The following CDV3 variants were observed in gnomAD, a reference collection of about 807,000 sequenced individuals.
CDV3 encodes the protein protein CDV3 homolog.
A neutral mutation model predicts 24.5 loss-of-function variants in CDV3; 14 were observed. That is an observed-to-expected ratio of 0.57 (90% confidence interval 0.38 to 0.89). The LOEUF (loss-of-function observed/expected upper bound fraction) is 0.89, where lower values mean the gene tolerates loss of function less well. CDV3 is among the 40% of genes least tolerant of loss of function. The probability of loss-of-function intolerance (pLI) is 0.00; values close to 1 mark genes in which losing one functional copy is unlikely to be tolerated. For synonymous variants in CDV3, 114 were observed against 114.1 expected (o/e 1.00, Z 0.00); for missense variants, 304 against 310.2 (o/e 0.98, Z 0.15).
Position 133,573,997 on chromosome 3 carries a change from CCGCGCCCGCCG to C in CDV3, c.-46_-36del. The C allele has an allele frequency of 3.9e-6, 4 of 1,021,464 alleles. No homozygotes were observed. The highest frequency in any genetic ancestry group is 3.5e-6 in the Non-Finnish European group (3 of 853,120). The allele number at this position is 1,021,464 out of a possible 1,614,324, so 63.3% of individuals were successfully genotyped here. A position where few individuals can be genotyped will look rare whatever the true frequency, so the allele number is the denominator to read the frequency against. On this transcript the variant is annotated 5_prime_UTR_variant, in exon 1 of 5. Coordinates refer to ENST00000264993, the MANE Select transcript of CDV3 (RefSeq NM_017548.5). ...GACCCCGAGCTCGGAGCCCCGCGGG[CCGCGCCCGCCG>C]CCGGCCCCACCCATCCGGGTCGAGG...
At position 133,589,159 on chromosome 3, in the gene CDV3, CAT is replaced by C. The variant is rs751262995; in HGVS notation, c.*1114_*1115del. Reference sequence around the variant, plus strand: ...ATCTGTCCTTAGAAATTCAGAGTAACATGAGCAAAACCTCAGCTAAAACCCAT... The same window carrying C: ...ATCTGTCCTTAGAAATTCAGAGTAACGAGCAAAACCTCAGCTAAAACCCAT... On this transcript the variant is annotated 3_prime_UTR_variant, in exon 5 of 5. Transcript: ENST00000264993. The C allele has an allele frequency of 1.3e-5, 2 of 152,642 alleles. No individual in the cohort carries two copies. The highest frequency in any genetic ancestry group is 2.4e-5 in the African/African-American group (1 of 41,444). The allele number at this position is 152,642 out of a possible 1,614,324, so 9.5% of individuals were successfully genotyped here. A position where few individuals can be genotyped will look rare whatever the true frequency, so the allele number is the denominator to read the frequency against.
At chr3:133,583,116 C>G (rs1933215572) in intron 2 of CDV3, among the ~76,000 whole-genome samples, 1 of 152,170 alleles carries the variant, frequency 6.6e-6, no homozygotes, top group Admixed American at 6.5e-5. Context: ...CTGAGGGTAT[C>G]TTTTCCATTT....
chr3:133,574,379 C>T (rs575995429), intron 1 of CDV3, 95 bp downstream of exon 1: 3 of 933,410 alleles, frequency 3.2e-6, no homozygotes, highest in Non-Finnish European at 2.6e-6. Context: ...CGGGAGGGGC[C>T]GCGGAGGCCG....
intron 3 of CDV3, among the ~76,000 whole-genome samples, chr3:133,585,071 T>C (rs572836236): frequency 5.4e-4 from 83 of 152,324 alleles, no homozygotes; most frequent in Non-Finnish European, 1.1e-3. Flanking sequence ...TTTTATATTT[T>C]TTAGAGACAG....
At chr3:133,583,728 C>T (rs760694572) in intron 2 of CDV3, among the ~76,000 whole-genome samples, 3 of 151,996 alleles carry the variant, frequency 2.0e-5, no homozygotes, top group Non-Finnish European at 2.9e-5. Context: ...ATGCCTGGCT[C>T]ATTTTTGTAT....
In CDV3 at chr3:133,584,083, T is replaced by G. The variant is rs773492515; in HGVS notation, c.399T>G (p.Gly133=). 1.2e-6 allele frequency: 2 copies of G among 1,611,282 alleles called. No homozygotes were observed. The highest frequency in any genetic ancestry group is 2.2e-5 in the South Asian group (2 of 91,020). ...AAGAAGGTGGAGGTGGTGGTGGAGG[T>G]ATGGAAAAATCTTCAGGTCCCTGGA... ...NWEEGGGGGG[G]MEKSSGPWNK... is the part of the protein sequence containing the mutation. Residue 133 remains glycine, a synonymous_variant, in exon 3 of 5, where the codon GGT becomes GGG. Coordinates refer to ENST00000264993, the MANE Select transcript of CDV3 (RefSeq NM_017548.5).
Position 133,588,135 on chromosome 3 carries a change from A to G in CDV3, c.*89A>G, listed in dbSNP as rs1439202776. 17 of 1,568,464 alleles carry G rather than the reference A, an allele frequency of 1.1e-5. No homozygotes were observed. The Admixed American group carries it at 2.4e-4, about 22-fold the overall frequency. On this transcript the variant is annotated 3_prime_UTR_variant, in exon 5 of 5. Coordinates refer to ENST00000264993, the MANE Select transcript of CDV3 (RefSeq NM_017548.5). ...TCATCATCTGATCTCTGCTGGATCT[A>G]CAGACACCGATGCAGACCACTCGAT...
chr3:133,587,138 A>G (rs1206089671), intron 4 of CDV3: 1 of 1,209,530 alleles, frequency 8.3e-7, no homozygotes, highest in Non-Finnish European at 1.1e-6. Flanking sequence ...TAAATCTAAT[A>G]TTAAAATAAT....
intron 4 of CDV3, 51 bp from the exon 5 acceptor site, chr3:133,587,845 A>G: frequency 2.0e-6 from 3 of 1,534,062 alleles, no homozygotes; most frequent in East Asian, 2.3e-5. Context: ...AATATTTTCA[A>G]AAACCCTAGT....
chr3:133,587,270 A>G, intron 4 of CDV3: 1 of 1,280,748 alleles, frequency 7.8e-7, no homozygotes, highest in Non-Finnish European at 1.0e-6. Context: ...AGAAATGTAA[A>G]TGACATCAGA....
At chr3:133,585,410 A>C (rs1411822510) in intron 3 of CDV3, among the ~76,000 whole-genome samples, 14 of 151,854 alleles carry the variant, frequency 9.2e-5, no homozygotes, top group Admixed American at 6.6e-5. Flanking sequence ...CTGGCTCCTG[A>C]CTTCAAGTGA....
rs1693876783 is a variant in CDV3 at position 133,589,825 on chromosome 3, T to G, written c.*1779T>G. ...CTTCTAATATATTTGGGTGAGTAAC[T>G]GAGCCAGCCAAGGGAAGGTTGAATG... On this transcript the variant is annotated 3_prime_UTR_variant, in exon 5 of 5. Coordinates refer to ENST00000264993, the MANE Select transcript of CDV3 (RefSeq NM_017548.5). 1 of 152,218 alleles carries G rather than the reference T, an allele frequency of 6.6e-6. No individual in the cohort carries two copies. The highest frequency in any genetic ancestry group is 1.9e-4 in the East Asian group (1 of 5,192). The allele number at this position is 152,218 out of a possible 1,614,324, so 9.4% of individuals were successfully genotyped here.
At chr3:133,574,373 A>C (rs2074719324) in intron 1 of CDV3, 89 bp downstream of exon 1, 1 of 924,466 alleles carries the variant, frequency 1.1e-6, no homozygotes, top group Non-Finnish European at 1.3e-6. Flanking sequence ...AGCGTCCGGG[A>C]GGGGCCGCGG....
chr3:133,582,394 G>A (rs9847114), intron 2 of CDV3, among the ~76,000 whole-genome samples: 125,277 of 152,248 alleles, frequency 0.82, 51,702 homozygotes, highest in East Asian at 0.95. Flanking sequence ...TCAGGTCATC[G>A]GCCTGCCTCA....
At position 133,588,184 on chromosome 3, in the gene CDV3, A is replaced by AT; in HGVS notation, c.*139dup. The AT allele has an allele frequency of 6.5e-7, 1 of 1,535,354 alleles. No homozygotes were observed. Among genetic ancestry groups the AT allele is most frequent in the South Asian group, 1.3e-5 (1 of 78,340 alleles). The stretch of plus-strand genomic sequence containing the variant: ...ATTTCATGACCGGCCCTATTGCACT[A>AT]TGGAAGTTAAAGTGTCACGACTGCT... On this transcript the variant is annotated 3_prime_UTR_variant, in exon 5 of 5. Coordinates refer to ENST00000264993, the MANE Select transcript of CDV3 (RefSeq NM_017548.5).
intron 4 of CDV3, 111 bp from the exon 5 acceptor site, chr3:133,587,785 C>G: frequency 6.8e-7 from 1 of 1,478,810 alleles, no homozygotes. Context: ...CCACTCCTAC[C>G]CCTCCCCAGG....
chr3:133,575,170 A>T (rs2074757516), intron 2 of CDV3, 55 bp downstream of exon 2: 1 of 965,238 alleles, frequency 1.0e-6, no homozygotes, highest in African/African-American at 1.6e-5. Context: ...TATTGGATAC[A>T]AGTTAGGTTT....
Position 133,588,706 on chromosome 3 carries a change from CTA to C in CDV3, c.*661_*662del, listed in dbSNP as rs748369146. 70 of 260,022 alleles carry C rather than the reference CTA, an allele frequency of 2.7e-4. No homozygotes were observed. Among genetic ancestry groups the C allele is most frequent in the Non-Finnish European group, 5.0e-4 (69 of 139,090 alleles). 16.1% of individuals were successfully genotyped at this position (260,022 alleles called of 1,614,324 possible). On this transcript the variant is annotated 3_prime_UTR_variant, in exon 5 of 5. Coordinates refer to ENST00000264993, the MANE Select transcript of CDV3 (RefSeq NM_017548.5). ...GTAGGGCTGTGATTTGTAATTTAAACTAATTGTATTCTGAGGTAACCACAAAA... is the reference window on the plus strand; with the variant it reads ...GTAGGGCTGTGATTTGTAATTTAAACATTGTATTCTGAGGTAACCACAAAA...
chr3:133,586,505 G>A, intron 3 of CDV3, 58 bp from the exon 4 acceptor site: 6 of 875,618 alleles, frequency 6.9e-6, no homozygotes, highest in Non-Finnish European at 1.1e-5. Context: ...TGCAAGAATA[G>A]CTTATTAAAA....
Sources: gnomAD v4.1 joint callset for allele counts (sites outside exome capture counted in the v4.1 genomes callset) on GRCh38, gnomAD v4.1.1 for gene constraint, MANE v1.5 for transcripts, NCBI Gene and HGNC (gene_info 2026-07-23, HGNC 2026-07-21) for gene names.